The following GALNT18 variants were observed in gnomAD, a reference collection of about 807,000 sequenced individuals.
GALNT18 encodes the protein polypeptide N-acetylgalactosaminyltransferase 18.
GALNT18 carries 44 observed loss-of-function variants against 69.5 expected under a neutral mutation model. The ratio of observed to expected loss-of-function variants is 0.63; its 90% CI spans 0.50 to 0.81. The LOEUF (loss-of-function observed/expected upper bound fraction) is 0.81, where lower values mean the gene tolerates loss of function less well. Among genes scored for constraint, GALNT18 ranks in the 40% least tolerant of loss-of-function variants. The probability of loss-of-function intolerance (pLI) is 0.00; values close to 1 mark genes in which losing one functional copy is unlikely to be tolerated. For missense variants in GALNT18, 715 were observed against 810.0 expected (o/e 0.88, Z 1.42); for synonymous variants, 364 against 318.2 (o/e 1.14, Z -1.53).
rs531878796 is a variant in GALNT18 at position 11,586,815 on chromosome 11, AAC to A, written c.235+34542_235+34543del. Among the ~76,000 whole-genome samples the A allele has an allele frequency of 4.1e-3, 301 of 72,688 alleles. 7 individuals carry two copies. In the South Asian group the frequency reaches 0.089, roughly 22 times the overall value. 47.7% of individuals were successfully genotyped at this position (72,688 alleles called of 152,430 possible). ...ATGGTTAAACACCATCTCTACTAAA[AAC>A]ACACACACACACACACAAAAAAAAG... On this transcript the variant is annotated intron_variant, in intron 1 of 10. Transcript: ENST00000227756. The surrounding 1 kb of genome is among the most constrained non-coding windows in gnomAD (Gnocchi z 4.1).
intron 1 of GALNT18, among the ~76,000 whole-genome samples, chr11:11,566,480 C>T (rs1379949879): frequency 6.6e-6 from 1 of 152,182 alleles, no homozygotes; most frequent in Non-Finnish European, 1.5e-5. Flanking sequence ...GTGATAAATA[C>T]ATTGTGGTTC....
chr11:11,439,476 G>A lies in GALNT18; in HGVS notation c.429-6689C>T, dbSNP rs984435131. On this transcript the variant is annotated intron_variant, in intron 2 of 10. Coordinates refer to ENST00000227756, the MANE Select transcript of GALNT18 (RefSeq NM_198516.3). The surrounding 1 kb of genome is among the most constrained non-coding windows in gnomAD (Gnocchi z 4.4). ...GTAGAGAAAGACCAATTCCCTTCCTGGGCTGGAGTCCAGTCCCCTGTGAGA... is the reference window on the plus strand; with the variant it reads ...GTAGAGAAAGACCAATTCCCTTCCTAGGCTGGAGTCCAGTCCCCTGTGAGA... Among the ~76,000 whole-genome samples, 4 of 152,178 alleles carry A rather than the reference G, an allele frequency of 2.6e-5. No individual in the cohort carries two copies. Among genetic ancestry groups the A allele is most frequent in the African/African-American group, 7.2e-5 (3 of 41,452 alleles).
rs372322867 is a variant in GALNT18 at position 11,281,811 on chromosome 11, G to A, written c.1678-10521C>T. The stretch of plus-strand genomic sequence containing the variant: ...GGAAGGATGGATCACGGCCAAGAGT[G>A]GGGTTGGGGGAGGCGGGTGGATGGG... On this transcript the variant is annotated intron_variant, in intron 10 of 10. Transcript: ENST00000227756. 2.6e-5 allele frequency among the ~76,000 whole-genome samples: 4 copies of A among 152,194 alleles called. No individual in the cohort carries two copies. In the East Asian group the frequency reaches 5.8e-4, roughly 22 times the overall value.
chr11:11,483,016 C>A (rs771306455), intron 1 of GALNT18, among the ~76,000 whole-genome samples: 1 of 152,220 alleles, frequency 6.6e-6, no homozygotes, highest in African/African-American at 2.4e-5. Context: ...TTAAAATCTG[C>A]GAAGTTCAGC....
chr11:11,577,753 A>G lies in GALNT18; in HGVS notation c.235+43606T>C, dbSNP rs532791338. ...GGAGGCAGACAAGCTCCCGGCTGGC[A>G]CTTTGAGGGAGAGAGCATCTTCATT... is the stretch of plus-strand genomic sequence containing the variant. On this transcript the variant is annotated intron_variant, in intron 1 of 10. Transcript: ENST00000227756. 2.5e-4 allele frequency among the ~76,000 whole-genome samples: 38 copies of G among 152,320 alleles called. No homozygotes were observed. The South Asian group carries it at 5.2e-3, about 21-fold the overall frequency.
At chr11:11,420,736 G>A (rs1486468318) in intron 3 of GALNT18, among the ~76,000 whole-genome samples, 1 of 152,158 alleles carries the variant, frequency 6.6e-6, no homozygotes, top group Non-Finnish European at 1.5e-5. Context: ...CCTGCTGGCT[G>A]CACTGTGGCC....
chr11:11,498,499 T>C (rs935770064), intron 1 of GALNT18, among the ~76,000 whole-genome samples: 7 of 152,224 alleles, frequency 4.6e-5, no homozygotes, highest in African/African-American at 1.7e-4. Context: ...AATTTGTGAC[T>C]TGGTTAAGAA....
At chr11:11,303,677 G>T (rs908430678) in intron 9 of GALNT18, among the ~76,000 whole-genome samples, 1 of 152,134 alleles carries the variant, frequency 6.6e-6, no homozygotes, top group Non-Finnish European at 1.5e-5. Context: ...CATCTGACAG[G>T]CCACCTTTCA....
chr11:11,560,214 G>A (rs373149965), intron 1 of GALNT18, among the ~76,000 whole-genome samples: 849 of 16,666 alleles, frequency 0.051, no homozygotes, highest in Middle Eastern at 0.11. Context: ...GAATAGAATG[G>A]AATATGAAGG....
At chr11:11,519,634 A>G (rs1188222777) in intron 1 of GALNT18, among the ~76,000 whole-genome samples, 1 of 152,110 alleles carries the variant, frequency 6.6e-6, no homozygotes, top group Non-Finnish European at 1.5e-5. Context: ...TCACTCCCCC[A>G]TCAACTGCCT....
Position 11,337,920 on chromosome 11 carries a change from G to C in GALNT18, c.1278+2899C>G, listed in dbSNP as rs1006935215. 2.0e-5 allele frequency among the ~76,000 whole-genome samples: 3 copies of C among 151,774 alleles called. No homozygotes were observed. Among genetic ancestry groups the C allele is most frequent in the African/African-American group, 7.3e-5 (3 of 41,254 alleles). The stretch of plus-strand genomic sequence containing the variant: ...CTTTTGATGCCATGCCAAACACTGG[G>C]CTTTGTGCTTGATTTTGTACATAGC... On this transcript the variant is annotated intron_variant, in intron 7 of 10. Coordinates refer to ENST00000227756, the MANE Select transcript of GALNT18 (RefSeq NM_198516.3). The surrounding 1 kb of genome is among the most constrained non-coding windows in gnomAD (Gnocchi z 4.9).
Position 11,541,625 on chromosome 11 carries a change from C to T in GALNT18, c.235+79734G>A, listed in dbSNP as rs538624919. ...AGCCCCACCCACAAATGCATCTCTG[C>T]CTTCAGATCTGATATCCAAGGCTCC... On this transcript the variant is annotated intron_variant, in intron 1 of 10. Transcript: ENST00000227756. The surrounding 1 kb of genome is among the most constrained non-coding windows in gnomAD (Gnocchi z 4.8). Among the ~76,000 whole-genome samples the T allele has an allele frequency of 5.3e-5, 8 of 152,300 alleles. No individual in the cohort carries two copies. In the East Asian group the frequency reaches 9.7e-4, roughly 18 times the overall value.
chr11:11,531,437 T>C (rs900353015), intron 1 of GALNT18, among the ~76,000 whole-genome samples: 4 of 152,194 alleles, frequency 2.6e-5, no homozygotes, highest in African/African-American at 9.7e-5. Context: ...TGTACATAAG[T>C]GTATGCGAGT....
At position 11,436,124 on chromosome 11, in the gene GALNT18, G is replaced by C. The variant is rs1373355867; in HGVS notation, c.429-3337C>G. 6.6e-6 allele frequency among the ~76,000 whole-genome samples: 1 copy of C among 152,224 alleles called. No homozygotes were observed. Among genetic ancestry groups the C allele is most frequent in the Non-Finnish European group, 1.5e-5 (1 of 68,050 alleles). On this transcript the variant is annotated intron_variant, in intron 2 of 10. Transcript: ENST00000227756. This position sits in a 1 kb window ranked among gnomAD's most constrained non-coding sequence, Gnocchi z 4.5. ...CAGGGTAAGGAAGATGATATGGGGG[G>C]ATCGTTTTTGGGAAAGCGTTTGAAG...
At chr11:11,384,184 A>C (rs1350355899) in intron 3 of GALNT18, among the ~76,000 whole-genome samples, 1 of 152,130 alleles carries the variant, frequency 6.6e-6, no homozygotes, top group Non-Finnish European at 1.5e-5. Context: ...ATTATGTTGA[A>C]ATCCTAACCC....
Position 11,541,382 on chromosome 11 carries a change from C to T in GALNT18, c.235+79977G>A, listed in dbSNP as rs756645090. ...ATGATGATGATCTCCGCCTTCAGTACCTCTCCCTGGCTCTTCAAGTGGTCT... is the reference window on the plus strand; with the variant it reads ...ATGATGATGATCTCCGCCTTCAGTATCTCTCCCTGGCTCTTCAAGTGGTCT... On this transcript the variant is annotated intron_variant, in intron 1 of 10. Coordinates refer to ENST00000227756, the MANE Select transcript of GALNT18 (RefSeq NM_198516.3). The surrounding 1 kb of genome is among the most constrained non-coding windows in gnomAD (Gnocchi z 4.8). 5.3e-5 allele frequency among the ~76,000 whole-genome samples: 8 copies of T among 152,174 alleles called. No individual in the cohort carries two copies. The highest frequency in any genetic ancestry group is 8.8e-5 in the Non-Finnish European group (6 of 68,038).
At chr11:11,533,438 G>A (rs1388030896) in intron 1 of GALNT18, among the ~76,000 whole-genome samples, 5 of 152,196 alleles carry the variant, frequency 3.3e-5, no homozygotes, top group African/African-American at 1.2e-4. Context: ...CTCCAAGCCT[G>A]TTCCAATGCC....
chr11:11,313,740 G>C (rs966452092), intron 9 of GALNT18, among the ~76,000 whole-genome samples: 5 of 152,210 alleles, frequency 3.3e-5, no homozygotes, highest in African/African-American at 1.2e-4. Flanking sequence ...CCTTGAGCAA[G>C]TTACATACCT....
rs915581670 is a variant in GALNT18, at chr11:11,444,619, A to G, written c.428+4125T>C. ...AGCATGGTCCTATCTCAGCCACATG[A>G]CAAGCTGGGTCAGATTACATCTTTC... is the stretch of plus-strand genomic sequence containing the variant. On this transcript the variant is annotated intron_variant, in intron 2 of 10. Transcript: ENST00000227756. The surrounding 1 kb of genome is among the most constrained non-coding windows in gnomAD (Gnocchi z 4.4). 2.6e-5 allele frequency among the ~76,000 whole-genome samples: 4 copies of G among 152,300 alleles called. No homozygotes were observed. The South Asian group carries it at 8.3e-4, about 32-fold the overall frequency.
Sources: gnomAD v4.1 joint callset for allele counts (sites outside exome capture counted in the v4.1 genomes callset) on GRCh38, gnomAD v4.1.1 for gene constraint, Gnocchi (gnomAD v3.1) non-coding constraint, MANE v1.5 for transcripts, NCBI Gene and HGNC (gene_info 2026-07-23, HGNC 2026-07-21) for gene names.